The following TRHDE variants were observed in gnomAD, a reference collection of about 807,000 sequenced individuals.
The protein encoded by TRHDE is thyrotropin-releasing hormone-degrading ectoenzyme.
Under a neutral mutation model 125.7 loss-of-function variants are expected in TRHDE, and 72 were observed. That is an observed-to-expected ratio of 0.57 (90% CI 0.47 to 0.70). The LOEUF (loss-of-function observed/expected upper bound fraction) is 0.70, where lower values mean the gene tolerates loss of function less well. Among genes scored for constraint, TRHDE ranks in the 30% least tolerant of loss-of-function variants. The pLI is 0.00. For missense variants in TRHDE, 1,110 were observed against 1,327.1 expected (o/e 0.84, Z 2.54); for synonymous variants, 509 against 509.1 (o/e 1.00, Z 0.00).
chr12:72,606,066 G>A (rs1872428325), intron 12 of TRHDE, among the ~76,000 whole-genome samples: 1 of 152,114 alleles, frequency 6.6e-6, no homozygotes, highest in African/African-American at 2.4e-5. Flanking sequence ...TGTTTCCACA[G>A]TGTTGACCAA....
intron 2 of TRHDE, among the ~76,000 whole-genome samples, chr12:72,230,338 A>G (rs1592492575): frequency 1.3e-5 from 2 of 152,320 alleles, no homozygotes; most frequent in East Asian, 3.9e-4. Context: ...TAAAGAAAGC[A>G]GCTGTCGTAA....
At chr12:72,117,052 CTG>C (rs1566226273) in intron 2 of TRHDE, among the ~76,000 whole-genome samples, 1 of 152,034 alleles carries the variant, frequency 6.6e-6, no homozygotes, top group Admixed American at 6.6e-5. Context: ...TGTCTCTTCT[CTG>C]TGTTGTTTTC....
At chr12:72,147,283 C>A (rs984706049) in intron 2 of TRHDE, among the ~76,000 whole-genome samples, 26 of 152,076 alleles carry the variant, frequency 1.7e-4, no homozygotes, top group African/African-American at 5.8e-4. Context: ...CCTATCATTA[C>A]CTGATTAAGG....
rs756258701 is a variant in TRHDE at position 72,273,501 on chromosome 12, C to A, written c.858C>A (p.Ile286=). 1.2e-5 allele frequency: 19 copies of A among 1,610,784 alleles called. No homozygotes were observed. The highest frequency in any genetic ancestry group is 1.6e-5 in the Non-Finnish European group (19 of 1,179,996). ...TGAAGATTATCTACAACGCGCTCAT[C>A]GAGAATGAGCTCCTGGGCTTCTTCC... ...YNLKIIYNAL[I]ENELLGFFRS... The change falls in exon 1 of 19, where the codon ATC becomes ATA. Residue 286 remains isoleucine (I), a synonymous_variant. Transcript: ENST00000261180. The surrounding 1 kb of genome is among the most constrained non-coding windows in gnomAD (Gnocchi z 5.3).
At chr12:72,096,166 C>CACACAT (rs1566211214) in intron 1 of TRHDE, among the ~76,000 whole-genome samples, 1 of 151,554 alleles carries the variant, frequency 6.6e-6, no homozygotes, top group Non-Finnish European at 1.5e-5. Context: ...CACACACACA[C>CACACAT]ATATCCTATT....
At chr12:72,304,517 A>G (rs111882963) in intron 2 of TRHDE, among the ~76,000 whole-genome samples, 6 of 152,284 alleles carry the variant, frequency 3.9e-5, no homozygotes, top group African/African-American at 9.6e-5. Context: ...TTGGATTTCT[A>G]TGAATATATA....
chr12:72,254,320 ATC>A (rs1249688913), intron 2 of TRHDE: 3 of 151,842 alleles, frequency 2.0e-5, no homozygotes, highest in Non-Finnish European at 4.4e-5. Context: ...AATATCCTTT[ATC>A]TCCCTTGTCC....
At chr12:72,544,772 ATG>A (rs557228020) in intron 7 of TRHDE, among the ~76,000 whole-genome samples, 1 of 151,578 alleles carries the variant, frequency 6.6e-6, no homozygotes, top group South Asian at 2.1e-4. Flanking sequence ...ATACATGTAT[ATG>A]TGTGTGTGTA....
chr12:72,381,586 C>T (rs921446184), intron 3 of TRHDE, among the ~76,000 whole-genome samples: 1 of 151,782 alleles, frequency 6.6e-6, no homozygotes, highest in South Asian at 2.1e-4. Context: ...TTAGTAGAGA[C>T]GGGGTTTCAC....
At chr12:72,121,022 C>A (rs1243490823) in intron 2 of TRHDE, among the ~76,000 whole-genome samples, 1 of 152,040 alleles carries the variant, frequency 6.6e-6, no homozygotes, top group African/African-American at 2.4e-5. Flanking sequence ...ATTGTATTGT[C>A]TTTGCCTTGA....
chr12:72,183,557 G>A (rs908273517), intron 2 of TRHDE, among the ~76,000 whole-genome samples: 6 of 152,182 alleles, frequency 3.9e-5, no homozygotes, highest in Admixed American at 6.5e-5. Context: ...TTAGCCATAT[G>A]ACATTTTCAT....
At chr12:72,332,888 T>C (rs1869668233) in intron 2 of TRHDE, among the ~76,000 whole-genome samples, 1 of 152,194 alleles carries the variant, frequency 6.6e-6, no homozygotes, top group African/African-American at 2.4e-5. Flanking sequence ...ATTTAAACGA[T>C]ATTCTGAGGC....
intron 2 of TRHDE, among the ~76,000 whole-genome samples, chr12:72,151,671 GT>G (rs1876369298): frequency 2.0e-5 from 3 of 152,156 alleles, no homozygotes; most frequent in African/African-American, 7.2e-5. Context: ...CCCATTGCTT[GT>G]TTTTCTCAGG....
rs538791851 is a variant in TRHDE at position 72,469,112 on chromosome 12, G to A, written c.1316-646G>A. On this transcript the variant is annotated intron_variant, in intron 3 of 18. Coordinates refer to ENST00000261180, the MANE Select transcript of TRHDE (RefSeq NM_013381.3). ...ACCTTATTTCATAGGTGAGGGAATTGTGGTCTTAAGAAATTAAGTGATTTA... is the reference window on the plus strand; with the variant it reads ...ACCTTATTTCATAGGTGAGGGAATTATGGTCTTAAGAAATTAAGTGATTTA... Among the ~76,000 whole-genome samples the A allele has an allele frequency of 6.9e-4, 105 of 152,308 alleles. 1 individual carries two copies. In the Middle Eastern group the frequency reaches 0.01, roughly 15 times the overall value.
chr12:72,516,869 T>C (rs1878890849), intron 6 of TRHDE, among the ~76,000 whole-genome samples: 4 of 152,202 alleles, frequency 2.6e-5, no homozygotes, highest in South Asian at 2.1e-4. Context: ...TGTTGAATTT[T>C]GTCAAAGGCC....
intron 2 of TRHDE, among the ~76,000 whole-genome samples, chr12:72,114,280 G>A (rs775158392): frequency 9.2e-5 from 14 of 152,012 alleles, no homozygotes; most frequent in Non-Finnish European, 1.6e-4. Flanking sequence ...CAACTGAGGT[G>A]TTAGATGTGT....
chr12:72,586,234 G>A (rs951209717), intron 12 of TRHDE, among the ~76,000 whole-genome samples: 5 of 152,126 alleles, frequency 3.3e-5, no homozygotes, highest in African/African-American at 1.2e-4. Flanking sequence ...CTATGAAAAG[G>A]TGATAATTTG....
intron 15 of TRHDE, among the ~76,000 whole-genome samples, chr12:72,642,611 C>G (rs1410104110): frequency 1.3e-5 from 2 of 152,112 alleles, no homozygotes; most frequent in Admixed American, 6.6e-5. Flanking sequence ...TCATGTTTAT[C>G]ATGTATACCG....
intron 3 of TRHDE, among the ~76,000 whole-genome samples, chr12:72,402,563 A>G (rs543076370): frequency 1.3e-5 from 2 of 152,334 alleles, no homozygotes; most frequent in South Asian, 4.1e-4. Flanking sequence ...TTCTCTTTTT[A>G]TATCGACACC....
Sources: gnomAD v4.1 joint callset for allele counts (sites outside exome capture counted in the v4.1 genomes callset) on GRCh38, gnomAD v4.1.1 for gene constraint, Gnocchi (gnomAD v3.1) non-coding constraint, MANE v1.5 for transcripts, NCBI Gene and HGNC (gene_info 2026-07-23, HGNC 2026-07-21) for gene names.